HDAC4: variants seen among roughly 807,000 people sequenced by gnomAD.
HDAC4 encodes the protein histone deacetylase A.
HDAC4 carries 16 observed loss-of-function variants against 135.1 expected under a neutral mutation model. The ratio of observed to expected loss-of-function variants is 0.12; its 90% CI spans 0.08 to 0.18. The LOEUF is 0.18. Ranked by LOEUF, HDAC4 falls within the 10% of genes least tolerant of loss-of-function variation. The pLI is 1.00. For synonymous variants in HDAC4, 685 were observed against 653.4 expected, an observed-to-expected ratio of 1.05 and a Z score of -0.74; for missense variants, 1,143 against 1,511.8, an observed-to-expected ratio of 0.76 and a Z score of 4.05.
chr2:239,237,488 G>T (rs1429913468), intron 2 of HDAC4, among the ~76,000 whole-genome samples: 1 of 151,742 alleles, frequency 6.6e-6, no homozygotes, highest in Non-Finnish European at 1.5e-5. Flanking sequence ...CTAAGCGAAG[G>T]AGAGCACCAG....
chr2:239,071,606 C>T (rs2034205019), intron 22 of HDAC4, among the ~76,000 whole-genome samples: 1 of 152,238 alleles, frequency 6.6e-6, no homozygotes, highest in African/African-American at 2.4e-5. Context: ...CAGCCTGCTA[C>T]TGCTGTGACT....
intron 9 of HDAC4, among the ~76,000 whole-genome samples, chr2:239,137,292 A>C (rs891949577): frequency 1.3e-5 from 2 of 152,236 alleles, no homozygotes; most frequent in African/African-American, 4.8e-5. Context: ...TCAGAGGGAA[A>C]GTCCGCGGGC....
At chr2:239,274,796 T>C (rs906546537) in intron 2 of HDAC4, among the ~76,000 whole-genome samples, 1 of 152,144 alleles carries the variant, frequency 6.6e-6, no homozygotes, top group Admixed American at 6.5e-5. Flanking sequence ...AAGTCCCAGG[T>C]GGATGGCCCT....
intron 6 of HDAC4, among the ~76,000 whole-genome samples, chr2:239,161,178 A>G (rs942133320): frequency 5.3e-5 from 8 of 152,154 alleles, no homozygotes; most frequent in African/African-American, 1.9e-4. Context: ...CGAGCTCTAC[A>G]TTTTGGATAC....
At chr2:239,271,228 C>T (rs907064114) in intron 2 of HDAC4, among the ~76,000 whole-genome samples, 11 of 152,192 alleles carry the variant, frequency 7.2e-5, no homozygotes, top group African/African-American at 2.7e-4. Flanking sequence ...ATCCTCCCAT[C>T]TCACACTCCT....
intron 22 of HDAC4, among the ~76,000 whole-genome samples, chr2:239,071,181 G>A (rs2034163228): frequency 2.0e-5 from 3 of 152,096 alleles, no homozygotes; most frequent in South Asian, 4.2e-4. Flanking sequence ...ACTTTGGGAG[G>A]CTGAGGTGGG....
At chr2:239,136,812 G>C (rs1007065187) in intron 9 of HDAC4, among the ~76,000 whole-genome samples, 2 of 152,194 alleles carry the variant, frequency 1.3e-5, no homozygotes, top group African/African-American at 4.8e-5. Context: ...CTTACACTCA[G>C]GCTGTTCCTA....
intron 14 of HDAC4, 117 bp from the exon 15 acceptor site, chr2:239,108,300 C>G: frequency 7.8e-7 from 1 of 1,276,634 alleles, no homozygotes; most frequent in Non-Finnish European, 1.1e-6. Flanking sequence ...GAGACGGAAG[C>G]TGGGACGGTT....
intron 2 of HDAC4, among the ~76,000 whole-genome samples, chr2:239,283,031 A>G (rs2050909949): frequency 6.6e-6 from 1 of 152,090 alleles, no homozygotes; most frequent in South Asian, 2.1e-4. Context: ...TGTACACACC[A>G]CTCTACAAAC....
chr2:239,298,663 A>C (rs2052057822), intron 2 of HDAC4: 8 of 977,590 alleles, frequency 8.2e-6, no homozygotes, highest in Non-Finnish European at 9.7e-6. Flanking sequence ...ACTGTGGCTA[A>C]ATCATTTATC....
intron 13 of HDAC4, among the ~76,000 whole-genome samples, chr2:239,113,696 C>A (rs3791420): frequency 0.13 from 19,428 of 152,236 alleles, 1,499 homozygotes; most frequent in East Asian, 0.29. Flanking sequence ...TAATAGCACA[C>A]TGAATTTCAG....
intron 3 of HDAC4, among the ~76,000 whole-genome samples, chr2:239,232,465 G>T (rs1451393488): frequency 6.6e-6 from 1 of 152,106 alleles, no homozygotes; most frequent in South Asian, 2.1e-4. Flanking sequence ...CGGGGGTCAC[G>T]AGCTCCCGCC....
chr2:239,137,152 T>A (rs982715769), intron 9 of HDAC4, among the ~76,000 whole-genome samples: 5 of 152,218 alleles, frequency 3.3e-5, no homozygotes, highest in Admixed American at 6.5e-5. Context: ...CTTCTGAGAA[T>A]TTGTTCCTTG....
chr2:239,126,535 A>T lies in HDAC4; in HGVS notation c.1454T>A (p.Leu485Gln). 6.2e-7 allele frequency: 1 copy of T among 1,613,562 alleles called. No individual in the cohort carries two copies. Among genetic ancestry groups the T allele is most frequent in the East Asian group, 2.2e-5 (1 of 44,872 alleles). ...CTGCTGATGCTGCTGCTGGATGACCAGGTGCTGCAGAGCCTGGGCGTTCTG... is the reference window on the plus strand; with the variant it reads ...CTGCTGATGCTGCTGCTGGATGACCTGGTGCTGCAGAGCCTGGGCGTTCTG... ...LPQNAQALQH[L>Q]VIQQQHQQFL... is the part of the protein sequence containing the mutation. The change falls in exon 12 of 27, where the codon CTG becomes CAG. Residue 485 changes from leucine (L) to glutamine (Q), a missense_variant. This residue lies in a region of HDAC4 where 7 missense variants were observed against 30.5 expected (regional missense o/e 0.23). Coordinates refer to ENST00000543185, the MANE Select transcript of HDAC4 (RefSeq NM_001378414.1).
intron 4 of HDAC4, among the ~76,000 whole-genome samples, chr2:239,177,799 CAGA>C (rs2043867666): frequency 6.6e-6 from 1 of 152,182 alleles, no homozygotes; most frequent in South Asian, 2.1e-4. Flanking sequence ...ACAAGATGCA[CAGA>C]AGAACTGTTT....
chr2:239,198,882 T>C (rs1479033723), intron 3 of HDAC4, among the ~76,000 whole-genome samples: 3 of 152,182 alleles, frequency 2.0e-5, no homozygotes, highest in Admixed American at 6.5e-5. Flanking sequence ...CCCCACCTTC[T>C]AGATGACAGG....
chr2:239,102,759 G>A lies in HDAC4; in HGVS notation c.2233+17C>T, dbSNP rs2037779899. 6 of 1,613,682 alleles carry A rather than the reference G, an allele frequency of 3.7e-6. No homozygotes were observed. Among genetic ancestry groups the A allele is most frequent in the Non-Finnish European group, 4.2e-6 (5 of 1,179,952 alleles). On this transcript the variant is annotated intron_variant, in intron 16 of 26. Transcript: ENST00000543185. ...ACTTCAAACCCAATATGGGAGGAAA[G>A]GAAGGTCCTGAAATACCTAGAAGTT...
intron 7 of HDAC4, among the ~76,000 whole-genome samples, chr2:239,151,726 G>A (rs911459467): frequency 6.6e-6 from 1 of 152,358 alleles, no homozygotes. Context: ...GCCGGAACAA[G>A]GCTGAAGTTA....
chr2:239,401,045 G>C (rs1696958686), upstream of HDAC4: 1 of 151,756 alleles, frequency 6.6e-6, no homozygotes, highest in Non-Finnish European at 1.5e-5. Context: ...CCGCACGCCC[G>C]TCAGCCGGCC....
Sources: allele counts gnomAD v4.1 joint callset (sites outside exome capture counted in the v4.1 genomes callset), GRCh38; gene constraint gnomAD v4.1.1; regional missense constraint gnomAD v4.1.1; transcripts MANE v1.5; gene names NCBI Gene and HGNC (gene_info 2026-07-23, HGNC 2026-07-21).